BRWD1: variants seen among roughly 807,000 people sequenced by gnomAD.
BRWD1 encodes the protein bromodomain and WD repeat domain containing 1, also known as bromodomain and WD repeat-containing protein 1.
Under a neutral mutation model 251.2 loss-of-function variants are expected in BRWD1, and 82 were observed. That is an observed-to-expected ratio of 0.33 (90% CI 0.27 to 0.39). The LOEUF is 0.39. Ranked by LOEUF, BRWD1 falls within the 10% of genes least tolerant of loss-of-function variation. The pLI is 1.00. For synonymous variants in BRWD1, 918 were observed against 902.8 expected, an observed-to-expected ratio of 1.02 and a Z score of -0.30; for missense variants, 2,233 against 2,711.6, an observed-to-expected ratio of 0.82 and a Z score of 3.92.
chr21:39,280,021 A>T, intron 9 of BRWD1, 127 bp downstream of exon 9: 1 of 634,688 alleles, frequency 1.6e-6, no homozygotes, highest in Non-Finnish European at 2.6e-6. Context: ...ATATAATAAA[A>T]ATTAAGTTCA....
intron 21 of BRWD1, among the ~76,000 whole-genome samples, chr21:39,246,756 A>G (rs1391694737): frequency 6.6e-6 from 1 of 152,218 alleles, no homozygotes; most frequent in Admixed American, 6.5e-5. Context: ...ACATTATGCA[A>G]TGTCAAAGAA....
intron 32 of BRWD1, among the ~76,000 whole-genome samples, chr21:39,214,881 T>C (rs930833428): frequency 0.02 from 33 of 1,686 alleles, no homozygotes; most frequent in South Asian, 0.15. Context: ...TTTTTTTTCC[T>C]TTTTTTTTTT....
In BRWD1 at chr21:39,210,162, C is replaced by A; in HGVS notation, c.4045-15G>T. 1 of 1,566,144 alleles carries A rather than the reference C, an allele frequency of 6.4e-7. No individual in the cohort carries two copies. The highest frequency in any genetic ancestry group is 8.7e-7 in the Non-Finnish European group (1 of 1,149,170). On this transcript the variant is annotated splice_polypyrimidine_tract_variant and intron_variant, in intron 35 of 40. Transcript: ENST00000342449. ...TCTCTGTAGTCCTAGGTTTTAAACACAATATTTAATTCATAGATTCATTTC... is the reference window on the plus strand; with the variant it reads ...TCTCTGTAGTCCTAGGTTTTAAACAAAATATTTAATTCATAGATTCATTTC...
In BRWD1 at chr21:39,189,582, C is replaced by CT; in HGVS notation, c.*6676dup. On this transcript the variant is annotated 3_prime_UTR_variant, in exon 41 of 41. Coordinates refer to ENST00000342449, the MANE Select transcript of BRWD1 (RefSeq NM_033656.4). ...GGGAGAATTTGAATTACACTGTACT[C>CT]TAACTTGATAAAGCTGAATCTCTTA... is the stretch of plus-strand genomic sequence containing the variant. 1 of 983,774 alleles carries CT rather than the reference C, an allele frequency of 1.0e-6. No individual in the cohort carries two copies. Among genetic ancestry groups the CT allele is most frequent in the Non-Finnish European group, 1.2e-6 (1 of 828,468 alleles). 60.9% of individuals were successfully genotyped at this position (983,774 alleles called of 1,614,324 possible). A position where few individuals can be genotyped will look rare whatever the true frequency, so the allele number is the denominator to read the frequency against.
At chr21:39,255,281 G>T (rs957300371) in intron 19 of BRWD1, among the ~76,000 whole-genome samples, 6 of 150,864 alleles carry the variant, frequency 4.0e-5, no homozygotes, top group African/African-American at 1.5e-4. Context: ...GTGTGGTGGC[G>T]GGCGCCTGTA....
chr21:39,212,077 CTAGT>C (rs889440833), intron 34 of BRWD1, among the ~76,000 whole-genome samples: 25 of 152,046 alleles, frequency 1.6e-4, no homozygotes, highest in African/African-American at 5.3e-4. Flanking sequence ...TCACCAAATC[CTAGT>C]TAGTTTTCCC....
rs79429069 is a variant in BRWD1 at position 39,312,051 on chromosome 21, T to G, written c.198+790A>C. On this transcript the variant is annotated intron_variant, in intron 4 of 40. Transcript: ENST00000342449. ...TATCCTAATAACGAAACGGCAAAAA[T>G]ATATTCCTGAAAAATGTCTCCAGTA... Among the ~76,000 whole-genome samples, 344 of 152,268 alleles carry G rather than the reference T, an allele frequency of 2.3e-3. 2 individuals are homozygous for G. The highest frequency in any genetic ancestry group is 7.9e-3 in the African/African-American group (328 of 41,544).
chr21:39,313,130 TG>T, intron 2 of BRWD1, 29 bp from the exon 3 acceptor site: 2 of 1,489,598 alleles, frequency 1.3e-6, no homozygotes, highest in South Asian at 1.3e-5. Flanking sequence ...CGGTCAGGGG[TG>T]GGGTCGGGCC....
intron 15 of BRWD1, among the ~76,000 whole-genome samples, chr21:39,267,387 A>G (rs62223011): frequency 0.52 from 78,880 of 151,866 alleles, 20,960 homozygotes; most frequent in African/African-American, 0.62. Context: ...CAAGGTCAGG[A>G]GATCGAGACC....
chr21:39,206,129 C>T lies in BRWD1; in HGVS notation c.4343G>A (p.Ser1448Asn). ...FKQRQNCKGD[S>N]QPNKSIRNLK... ...TTACCTGATACTTTTGTTAGGCTGA[C>T]TGTCACCTTTACAATTTTGCCGTTG... The change falls in exon 37 of 41, where the codon AGT becomes AAT. Residue 1448 changes from serine (S) to asparagine (N), a missense_variant. Physicochemically the swap from Ser to Asn is conservative, Grantham distance 46 (BLOSUM62 1). Around this residue, in one of 12 missense-constraint regions of BRWD1, gnomAD observed 928 missense variants for 970.0 expected, o/e 0.96. Transcript: ENST00000342449. 4 of 1,611,536 alleles carry T rather than the reference C, an allele frequency of 2.5e-6. No homozygotes were observed. The highest frequency in any genetic ancestry group is 3.4e-6 in the Non-Finnish European group (4 of 1,179,356).
intron 40 of BRWD1, among the ~76,000 whole-genome samples, chr21:39,197,929 A>G (rs1404781885): frequency 6.6e-6 from 1 of 152,208 alleles, no homozygotes; most frequent in Non-Finnish European, 1.5e-5. Context: ...TAAAGCAGTA[A>G]CTTTTTCATC....
intron 25 of BRWD1, among the ~76,000 whole-genome samples, chr21:39,231,510 T>C (rs1337828710): frequency 6.6e-6 from 1 of 152,178 alleles, no homozygotes; most frequent in African/African-American, 2.4e-5. Context: ...CAACAGTGAG[T>C]GAACTACAAT....
chr21:39,245,309 G>C (rs550114318), intron 21 of BRWD1, among the ~76,000 whole-genome samples: 1 of 152,200 alleles, frequency 6.6e-6, no homozygotes, highest in African/African-American at 2.4e-5. Context: ...TTGTGTATTA[G>C]GCACTATTTA....
At position 39,194,256 on chromosome 21, in the gene BRWD1, A is replaced by G. The variant is rs769550448; in HGVS notation, c.*2003T>C. ...GTACTTATGAATGTATTCCATATTTATTTATGGATTTTTTTGGTACCTTTT... is the reference window on the plus strand; with the variant it reads ...GTACTTATGAATGTATTCCATATTTGTTTATGGATTTTTTTGGTACCTTTT... On this transcript the variant is annotated 3_prime_UTR_variant, in exon 41 of 41. Coordinates refer to ENST00000342449, the MANE Select transcript of BRWD1 (RefSeq NM_033656.4). 19 of 988,308 alleles carry G rather than the reference A, an allele frequency of 1.9e-5. No homozygotes were observed. Among genetic ancestry groups the G allele is most frequent in the Non-Finnish European group, 2.3e-5 (19 of 830,380 alleles). The allele number at this position is 988,308 out of a possible 1,614,324, so 61.2% of individuals were successfully genotyped here.
In BRWD1 at chr21:39,190,098, A is replaced by G. The variant is rs1034962460; in HGVS notation, c.*6161T>C. ...TTTCCCTGGATGACCACTTTAAATT[A>G]TAACTCACAGATATGTGTGTATTCT... On this transcript the variant is annotated 3_prime_UTR_variant, in exon 41 of 41. Transcript: ENST00000342449. The G allele has an allele frequency of 3.0e-6, 3 of 985,358 alleles. No individual in the cohort carries two copies. The highest frequency in any genetic ancestry group is 1.1e-4 in the East Asian group (1 of 8,814). 61.0% of individuals were successfully genotyped at this position (985,358 alleles called of 1,614,324 possible).
chr21:39,239,596 G>A (rs928584800), intron 21 of BRWD1, among the ~76,000 whole-genome samples: 2 of 152,172 alleles, frequency 1.3e-5, no homozygotes, highest in Non-Finnish European at 2.9e-5. Flanking sequence ...ATGCCAAGTA[G>A]AGTGTCAGTC....
intron 21 of BRWD1, among the ~76,000 whole-genome samples, chr21:39,241,473 T>TAAAAAAA (rs61488970): frequency 1.1e-4 from 5 of 44,918 alleles, no homozygotes; most frequent in African/African-American, 1.4e-4. Context: ...ATCTCCAAAG[T>TAAAAAAA]AAAAAAAAAA....
rs138413154 is a variant in BRWD1 at position 39,286,306 on chromosome 21, C to T, written c.832-6058G>A. Reference sequence around the variant, plus strand: ...GTGCTGGGATTACAGGCGTAAGCCACCGCGCCCGGCCCATATGAACCATTT... The same window carrying T: ...GTGCTGGGATTACAGGCGTAAGCCATCGCGCCCGGCCCATATGAACCATTT... On this transcript the variant is annotated intron_variant, in intron 8 of 40. Coordinates refer to ENST00000342449, the MANE Select transcript of BRWD1 (RefSeq NM_033656.4). 4.0e-3 allele frequency among the ~76,000 whole-genome samples: 611 copies of T among 152,168 alleles called. 2 individuals are homozygous for T. The highest frequency in any genetic ancestry group is 7.3e-3 in the Non-Finnish European group (498 of 67,996).
chr21:39,184,686 T>A (rs2031109404), downstream of BRWD1: 1 of 152,156 alleles, frequency 6.6e-6, no homozygotes, highest in Non-Finnish European at 1.5e-5. Context: ...GATGTACACA[T>A]CTGCAAAAAT....
Sources: allele counts gnomAD v4.1 joint callset (sites outside exome capture counted in the v4.1 genomes callset), GRCh38; gene constraint gnomAD v4.1.1; regional missense constraint gnomAD v4.1.1; transcripts MANE v1.5; gene names NCBI Gene and HGNC (gene_info 2026-07-23, HGNC 2026-07-21).